DYNC1I2: variants seen among roughly 807,000 people sequenced by gnomAD.
The protein encoded by DYNC1I2 is dynein cytoplasmic 1 intermediate chain 2.
DYNC1I2 carries 53 observed loss-of-function variants against 88.6 expected under a neutral mutation model. The ratio of observed to expected loss-of-function variants is 0.60; its 90% CI spans 0.48 to 0.75. DYNC1I2 has a LOEUF of 0.75. Among genes scored for constraint, DYNC1I2 ranks in the 30% least tolerant of loss-of-function variants. The probability of loss-of-function intolerance (pLI) is 0.00; values close to 1 mark genes in which losing one functional copy is unlikely to be tolerated. For synonymous variants in DYNC1I2, 198 were observed against 254.6 expected (o/e 0.78, Z 2.12); for missense variants, 458 against 766.6 (o/e 0.60, Z 4.75).
At position 171,726,309 on chromosome 2, in the gene DYNC1I2, A is replaced by G; in HGVS notation, c.870+16A>G. ...GTCATCTCAGGTAAAATATAACAAA[A>G]TAGGCCGCTCTTAACTCATTTTTAA... On this transcript the variant is annotated intron_variant, in intron 10 of 17. Coordinates refer to ENST00000397119, the MANE Select transcript of DYNC1I2 (RefSeq NM_001378.3). 1.9e-6 allele frequency: 3 copies of G among 1,555,738 alleles called. No individual in the cohort carries two copies. The highest frequency in any genetic ancestry group is 2.6e-6 in the Non-Finnish European group (3 of 1,138,038).
chr2:171,713,427 G>C (rs1334980877), intron 6 of DYNC1I2, among the ~76,000 whole-genome samples: 1 of 149,370 alleles, frequency 6.7e-6, no homozygotes, highest in Non-Finnish European at 1.5e-5. Context: ...TTTTATTTTT[G>C]TTTTGTTTTT....
rs536104115 is a variant in DYNC1I2, at chr2:171,697,769, G to C, written c.226+4875G>C. ...GCTACTGTGGAGGTTGAGGTGGGAG[G>C]ATCAATTGAGTTTGCAAGGTCAAGG... is the stretch of plus-strand genomic sequence containing the variant. On this transcript the variant is annotated intron_variant, in intron 3 of 17. Transcript: ENST00000397119. Among the ~76,000 whole-genome samples, 12 of 151,718 alleles carry C rather than the reference G, an allele frequency of 7.9e-5. No homozygotes were observed. In the South Asian group the frequency reaches 1.7e-3, roughly 21 times the overall value.
At chr2:171,706,480 G>A (rs1371536285) in intron 3 of DYNC1I2, 67 bp from the exon 4 acceptor site, 3 of 1,338,424 alleles carry the variant, frequency 2.2e-6, no homozygotes, top group Non-Finnish European at 3.2e-6. Context: ...TATGAAAAAT[G>A]TGTATTTTTC....
At chr2:171,740,048 G>GTA (rs1689311725) in intron 15 of DYNC1I2, among the ~76,000 whole-genome samples, 1 of 152,012 alleles carries the variant, frequency 6.6e-6, no homozygotes, top group Non-Finnish European at 1.5e-5. Context: ...TTAAAGTAGG[G>GTA]CTTGCATCCC....
chr2:171,726,250 G>A lies in DYNC1I2; in HGVS notation c.827G>A (p.Trp276Ter), dbSNP rs769325251. Reference protein sequence around the residue: ...SLNRQFFDERWSKHRVVSCLD... With the variant: ...SLNRQFFDER ...AATCGACAATTTTTTGACGAACGTT[G>A]GTCAAAGCATCGGGTGGTTAGTTGT... is the stretch of plus-strand genomic sequence containing the variant. The change falls in exon 10 of 18, where the codon TGG (tryptophan) becomes TAG (stop). Residue 276 changes from tryptophan (W) to a stop codon, truncating the protein, a stop_gained. Transcript: ENST00000397119. LOFTEE classifies it high-confidence loss of function. 2 of 1,612,326 alleles carry A rather than the reference G, an allele frequency of 1.2e-6. No homozygotes were observed. Among genetic ancestry groups the A allele is most frequent in the East Asian group, 2.2e-5 (1 of 44,788 alleles).
chr2:171,748,278 A>G lies in DYNC1I2; in HGVS notation c.*389A>G, dbSNP rs1397063112. On this transcript the variant is annotated 3_prime_UTR_variant, in exon 18 of 18. Transcript: ENST00000397119. ...CTGTTATACAGATAATGTTCTCACT[A>G]CCCATAATATGTAGGAACATTGTTT... 6.4e-6 allele frequency: 1 copy of G among 156,702 alleles called. No homozygotes were observed. Among genetic ancestry groups the G allele is most frequent in the African/African-American group, 2.4e-5 (1 of 41,182 alleles). 9.7% of individuals were successfully genotyped at this position (156,702 alleles called of 1,614,324 possible). A position where few individuals can be genotyped will look rare whatever the true frequency, so the allele number is the denominator to read the frequency against.
chr2:171,732,327 T>C (rs1476132090), intron 15 of DYNC1I2, among the ~76,000 whole-genome samples: 3 of 152,250 alleles, frequency 2.0e-5, no homozygotes, highest in African/African-American at 7.2e-5. Flanking sequence ...GCCATTGCAC[T>C]ACAGCCTGGG....
intron 15 of DYNC1I2, among the ~76,000 whole-genome samples, chr2:171,739,081 A>G (rs996621149): frequency 7.0e-6 from 1 of 143,274 alleles, no homozygotes; most frequent in Non-Finnish European, 1.5e-5. Flanking sequence ...ACACCATTGC[A>G]CTCTAGCCTG....
intron 17 of DYNC1I2, among the ~76,000 whole-genome samples, chr2:171,747,388 C>T (rs1025054167): frequency 2.0e-5 from 3 of 151,602 alleles, no homozygotes; most frequent in African/African-American, 7.3e-5. Flanking sequence ...AAGAAACGAG[C>T]CCCCTTATGA....
intron 15 of DYNC1I2, among the ~76,000 whole-genome samples, chr2:171,734,116 T>C (rs994684814): frequency 6.6e-6 from 1 of 152,060 alleles, no homozygotes; most frequent in Non-Finnish European, 1.5e-5. Flanking sequence ...AGGTGTGCGG[T>C]CTTATTTCTG....
At chr2:171,714,294 A>C (rs1247114752) in intron 6 of DYNC1I2, among the ~76,000 whole-genome samples, 2 of 146,316 alleles carry the variant, frequency 1.4e-5, no homozygotes, top group African/African-American at 2.4e-5. Flanking sequence ...TAATTTTATT[A>C]TACTTTATAG....
chr2:171,745,957 A>G, intron 17 of DYNC1I2, 30 bp downstream of exon 17: 4 of 1,611,894 alleles, frequency 2.5e-6, no homozygotes, highest in Non-Finnish European at 3.4e-6. Context: ...TAATTTTGAC[A>G]CATCGATTTA....
chr2:171,747,078 C>G (rs1689832663), intron 17 of DYNC1I2, among the ~76,000 whole-genome samples: 1 of 151,426 alleles, frequency 6.6e-6, no homozygotes, highest in South Asian at 2.1e-4. Flanking sequence ...CCTGTAATCC[C>G]AGCTACTGGG....
chr2:171,700,807 A>G (rs1686198486), intron 3 of DYNC1I2, among the ~76,000 whole-genome samples: 1 of 151,834 alleles, frequency 6.6e-6, no homozygotes, highest in Non-Finnish European at 1.5e-5. Context: ...AATTTTTTGT[A>G]TTTTTAGTGG....
intron 15 of DYNC1I2, among the ~76,000 whole-genome samples, chr2:171,741,951 G>A (rs776348738): frequency 6.6e-6 from 1 of 151,876 alleles, no homozygotes. Flanking sequence ...GCATGGTGGT[G>A]CACGCCTGTA....
chr2:171,741,166 C>A (rs1689400784), intron 15 of DYNC1I2, among the ~76,000 whole-genome samples: 1 of 152,102 alleles, frequency 6.6e-6, no homozygotes, highest in Admixed American at 6.5e-5. Flanking sequence ...CTGAATGATA[C>A]CCCATTGTAT....
chr2:171,697,113 A>C lies in DYNC1I2; in HGVS notation c.226+4219A>C, dbSNP rs1574509744. On this transcript the variant is annotated intron_variant, in intron 3 of 17. Coordinates refer to ENST00000397119, the MANE Select transcript of DYNC1I2 (RefSeq NM_001378.3). ...CCTCCCAGGCTCAAGCGATCCTCTC[A>C]CCTCAGCCTCCCAAGTAGCTGGGAA... Among the ~76,000 whole-genome samples the C allele has an allele frequency of 1.3e-5, 2 of 151,698 alleles. 1 individual carries two copies. Among genetic ancestry groups the C allele is most frequent in the South Asian group, 4.2e-4 (2 of 4,810 alleles).
chr2:171,708,808 T>C (rs1686881645), intron 5 of DYNC1I2, among the ~76,000 whole-genome samples: 1 of 152,106 alleles, frequency 6.6e-6, no homozygotes, highest in African/African-American at 2.4e-5. Context: ...TCCTCCCACA[T>C]CAGCCTCCCG....
chr2:171,708,638 A>AC (rs1231058927), intron 5 of DYNC1I2, among the ~76,000 whole-genome samples: 1 of 152,074 alleles, frequency 6.6e-6, no homozygotes, highest in African/African-American at 2.4e-5. Context: ...TTATAGGGTT[A>AC]AAATTTTTTT....
Sources: gnomAD v4.1 joint callset for allele counts (sites outside exome capture counted in the v4.1 genomes callset) on GRCh38, gnomAD v4.1.1 for gene constraint, MANE v1.5 for transcripts, NCBI Gene and HGNC (gene_info 2026-07-23, HGNC 2026-07-21) for gene names.